Variants in CELSR1 observed in about 807,000 individuals in gnomAD.
CELSR1 encodes the protein adhesion G protein-coupled receptor C1.
In CELSR1, 110 loss-of-function variants were observed where a neutral mutation model predicts 249.1. The ratio of observed to expected loss-of-function variants is 0.44; its 90% CI spans 0.38 to 0.52. CELSR1 has a LOEUF of 0.52. CELSR1 is among the 20% of genes least tolerant of loss of function. The pLI is 0.00. For synonymous variants in CELSR1, 2,113 were observed against 1,900.0 expected (o/e 1.11, Z -2.92); for missense variants, 4,109 against 4,296.4 (o/e 0.96, Z 1.22).
In CELSR1 at chr22:46,374,119, G is replaced by A. The variant is rs966969956; in HGVS notation, c.7585-1062C>T. ...GCAGGCTCAAGTTATGCCAGAGACA[G>A]GCCCTTTGCCTCAGACTGTGGCCTC... is the stretch of plus-strand genomic sequence containing the variant. On this transcript the variant is annotated intron_variant, in intron 24 of 34. Transcript: ENST00000674500. The surrounding 1 kb of genome is among the most constrained non-coding windows in gnomAD (Gnocchi z 4.3). Among the ~76,000 whole-genome samples the A allele has an allele frequency of 2.3e-4, 35 of 152,130 alleles. No homozygotes were observed. The highest frequency in any genetic ancestry group is 8.5e-4 in the African/African-American group (35 of 41,364).
At position 46,533,680 on chromosome 22, in the gene CELSR1, C is replaced by A; in HGVS notation, c.3491G>T (p.Arg1164Leu). The A allele has an allele frequency of 1.9e-6, 3 of 1,608,190 alleles. No individual in the cohort carries two copies. The highest frequency in any genetic ancestry group is 2.5e-6 in the Non-Finnish European group (3 of 1,178,734). Residue 1164 changes from arginine to leucine, a missense_variant, in exon 1 of 35, where the codon CGC (arginine) becomes CTC (leucine). Around this residue, in one of 7 missense-constraint regions of CELSR1, gnomAD observed 886 missense variants for 896.5 expected, o/e 0.99. Transcript: ENST00000674500. Reference protein sequence around the residue: ...DPATGELQLSRDLDNNRPLEA... With the variant: ...DPATGELQLSLDLDNNRPLEA... ...CAGCGGCCGGTTGTTGTCCAGGTCG[C>A]GGCTGAGCTGCAGTTCGCCCGTGGC...
In CELSR1 at chr22:46,534,253, C is replaced by T. The variant is rs139147175; in HGVS notation, c.2918G>A (p.Arg973Gln). ...VYNLWALAVD[R>Q]GSPTPLSASV... is the part of the protein sequence containing the mutation. ...GGCGCTAAGGGGAGTGGGACTGCCC[C>T]GATCCACAGCCAGAGCCCAAAGGTT... is the stretch of plus-strand genomic sequence containing the variant. The change falls in exon 1 of 35, where the codon CGG becomes CAG. Residue 973 changes from arginine (R) to glutamine (Q), a missense_variant. By Grantham distance (43) the Arg-to-Gln change is conservative (BLOSUM62 1). This residue lies in a region of CELSR1 where 886 missense variants were observed against 896.5 expected (regional missense o/e 0.99). Coordinates refer to ENST00000674500, the MANE Select transcript of CELSR1 (RefSeq NM_001378328.1). The surrounding 1 kb of genome is among the most constrained non-coding windows in gnomAD (Gnocchi z 9.7). 8.1e-6 allele frequency: 13 copies of T among 1,613,444 alleles called. No individual in the cohort carries two copies. The highest frequency in any genetic ancestry group is 2.2e-5 in the South Asian group (2 of 91,088).
intron 1 of CELSR1, among the ~76,000 whole-genome samples, chr22:46,524,541 C>CGCGCGTGT (rs1194384146): frequency 2.6e-5 from 2 of 77,878 alleles, no homozygotes; most frequent in South Asian, 7.4e-4. Context: ...CCGTTGTGTG[C>CGCGCGTGT]GTGTGTGTGT....
rs1404772976 is a variant in CELSR1, at chr22:46,361,835, A to C, written c.*1388T>G. On this transcript the variant is annotated 3_prime_UTR_variant, in exon 35 of 35. Coordinates refer to ENST00000674500, the MANE Select transcript of CELSR1 (RefSeq NM_001378328.1). ...GGCACCTGATTTGAAGAACAAAGGA[A>C]ACGCTAAAATCAAACATGTCTGACA... The C allele has an allele frequency of 2.0e-5, 3 of 152,258 alleles. No individual in the cohort carries two copies. Among genetic ancestry groups the C allele is most frequent in the African/African-American group, 7.2e-5 (3 of 41,460 alleles). The allele number at this position is 152,258 out of a possible 1,614,324, so 9.4% of individuals were successfully genotyped here. A position where few individuals can be genotyped will look rare whatever the true frequency, so the allele number is the denominator to read the frequency against.
intron 14 of CELSR1, among the ~76,000 whole-genome samples, chr22:46,392,353 A>G (rs186174768): frequency 6.6e-6 from 1 of 152,210 alleles, no homozygotes; most frequent in Admixed American, 6.5e-5. Context: ...CGCCCCGGAA[A>G]ACGGGGCAGG....
chr22:46,374,694 C>A lies in CELSR1; in HGVS notation c.7585-1637G>T, dbSNP rs928191396. Among the ~76,000 whole-genome samples, 9 of 152,224 alleles carry A rather than the reference C, an allele frequency of 5.9e-5. No individual in the cohort carries two copies. Among genetic ancestry groups the A allele is most frequent in the Non-Finnish European group, 1.3e-4 (9 of 68,038 alleles). On this transcript the variant is annotated intron_variant, in intron 24 of 34. Coordinates refer to ENST00000674500, the MANE Select transcript of CELSR1 (RefSeq NM_001378328.1). The surrounding 1 kb of genome is among the most constrained non-coding windows in gnomAD (Gnocchi z 4.3). ...GGGAGTGGCCTGCACCGACTCCCCT[C>A]TCCCCCATTCACGCCACTCAAAAGC... is the stretch of plus-strand genomic sequence containing the variant.
Position 46,464,122 on chromosome 22 carries a change from G to C in CELSR1, c.3768C>G (p.Asn1256Lys), listed in dbSNP as rs1273626919. Residue 1256 changes from asparagine to lysine, a missense_variant, in exon 2 of 35, where the codon AAC becomes AAG. Physicochemically the swap from Asn to Lys is moderately conservative, Grantham distance 94. Transcript: ENST00000674500. This position sits in a 1 kb window ranked among gnomAD's most constrained non-coding sequence, Gnocchi z 8.5. ...GCGCCGAGAAGGTCACGTTCAGGAT[G>C]TTGGAGCTGACGTCGGTGTCGTTCT... ...NVQNDTDVSS[N>K]ILNVTFSALL... 4 of 1,613,760 alleles carry C rather than the reference G, an allele frequency of 2.5e-6. No individual in the cohort carries two copies. In the African/African-American group the frequency reaches 4.0e-5, roughly 16 times the overall value.
Position 46,399,183 on chromosome 22 carries a change from T to C in CELSR1, c.5412+534A>G, listed in dbSNP as rs1399374546. 6.6e-6 allele frequency among the ~76,000 whole-genome samples: 1 copy of C among 152,184 alleles called. No homozygotes were observed. The highest frequency in any genetic ancestry group is 1.5e-5 in the Non-Finnish European group (1 of 68,026). On this transcript the variant is annotated intron_variant, in intron 10 of 34. Coordinates refer to ENST00000674500, the MANE Select transcript of CELSR1 (RefSeq NM_001378328.1). The surrounding 1 kb of genome is among the most constrained non-coding windows in gnomAD (Gnocchi z 5.0). ...GCATTTCACAGACAACATCTTGGGT[T>C]ACCTGCCTGCAAACTGTGGAAACCT... is the stretch of plus-strand genomic sequence containing the variant.
chr22:46,376,041 C>G (rs1045826287), intron 24 of CELSR1, among the ~76,000 whole-genome samples: 1 of 152,204 alleles, frequency 6.6e-6, no homozygotes, highest in African/African-American at 2.4e-5. Context: ...GGGGATGCCT[C>G]CAGTATCTTC....
At chr22:46,414,232 C>T (rs6008807) in intron 5 of CELSR1, among the ~76,000 whole-genome samples, 3,998 of 152,288 alleles carry the variant, frequency 0.026, 167 homozygotes, top group African/African-American at 0.09. Context: ...TGATAGACAG[C>T]GCCCAGGATG....
chr22:46,412,365 C>T lies in CELSR1; in HGVS notation c.4612-606G>A, dbSNP rs550127332. Among the ~76,000 whole-genome samples the T allele has an allele frequency of 1.3e-5, 2 of 152,284 alleles. No individual in the cohort carries two copies. Among genetic ancestry groups the T allele is most frequent in the African/African-American group, 4.8e-5 (2 of 41,550 alleles). ...GCAGCCAACACCCAAGTCCTGGGGCCCCTCCTGTGAACACCCGCTTCTGCT... is the reference window on the plus strand; with the variant it reads ...GCAGCCAACACCCAAGTCCTGGGGCTCCTCCTGTGAACACCCGCTTCTGCT... On this transcript the variant is annotated intron_variant, in intron 5 of 34. Transcript: ENST00000674500. The surrounding 1 kb of genome is among the most constrained non-coding windows in gnomAD (Gnocchi z 4.5).
chr22:46,503,860 T>C (rs539576297), intron 1 of CELSR1, among the ~76,000 whole-genome samples: 1 of 134,066 alleles, frequency 7.5e-6, no homozygotes, highest in African/African-American at 2.6e-5. Flanking sequence ...GCAAGACCTC[T>C]GATAAAAACT....
chr22:46,514,853 G>A (rs1390617407), intron 1 of CELSR1, among the ~76,000 whole-genome samples: 2 of 152,148 alleles, frequency 1.3e-5, no homozygotes, highest in African/African-American at 4.8e-5. Flanking sequence ...TCCCACCCCA[G>A]GGATGCCTGT....
At position 46,430,310 on chromosome 22, in the gene CELSR1, T is replaced by C. The variant is rs954359235; in HGVS notation, c.4611+3083A>G. 6.6e-6 allele frequency among the ~76,000 whole-genome samples: 1 copy of C among 152,052 alleles called. No homozygotes were observed. The highest frequency in any genetic ancestry group is 1.5e-5 in the Non-Finnish European group (1 of 68,008). ...ATGTTTTCTTCATCATCCCCAAAAA[T>C]GCAAAAACCAAAACCAGCGAGGTGG... On this transcript the variant is annotated intron_variant, in intron 5 of 34. Coordinates refer to ENST00000674500, the MANE Select transcript of CELSR1 (RefSeq NM_001378328.1). The surrounding 1 kb of genome is among the most constrained non-coding windows in gnomAD (Gnocchi z 4.6).
At chr22:46,491,033 C>T (rs2080362284) in intron 1 of CELSR1, among the ~76,000 whole-genome samples, 1 of 151,986 alleles carries the variant, frequency 6.6e-6, no homozygotes, top group South Asian at 2.1e-4. Context: ...AATGGAGGGC[C>T]CCCCAACATC....
rs1211590066 is a variant in CELSR1, at chr22:46,408,916, GCAC to G, written c.5226+77_5226+79del. The G allele has an allele frequency of 4.9e-6, 6 of 1,218,500 alleles. No individual in the cohort carries two copies. The highest frequency in any genetic ancestry group is 1.6e-5 in the African/African-American group (1 of 64,356). 75.5% of individuals were successfully genotyped at this position (1,218,500 alleles called of 1,614,324 possible). A position where few individuals can be genotyped will look rare whatever the true frequency, so the allele number is the denominator to read the frequency against. ...GGGCGAGTAGCAGGTGCCCGAGTGT[GCAC>G]CAGGAAGCCCAGCGCCTGGGTCCCT... On this transcript the variant is annotated intron_variant, in intron 9 of 34. Transcript: ENST00000674500. This position sits in a 1 kb window ranked among gnomAD's most constrained non-coding sequence, Gnocchi z 4.6.
In CELSR1 at chr22:46,365,695, G is replaced by A. The variant is rs1360653612; in HGVS notation, c.8301-6C>T. 1.3e-6 allele frequency: 2 copies of A among 1,562,232 alleles called. No homozygotes were observed. The highest frequency in any genetic ancestry group is 4.7e-5 in the East Asian group (2 of 42,612). ...GCTTCTGGATCCCTTCATCCCTAGAGAGGCCAGGGAGGGTGGGCTCAGTAT... is the reference window on the plus strand; with the variant it reads ...GCTTCTGGATCCCTTCATCCCTAGAAAGGCCAGGGAGGGTGGGCTCAGTAT... On this transcript the variant is annotated splice_polypyrimidine_tract_variant and splice_region_variant and intron_variant, in intron 30 of 34. Coordinates refer to ENST00000674500, the MANE Select transcript of CELSR1 (RefSeq NM_001378328.1).
chr22:46,449,388 C>G (rs2079856967), intron 2 of CELSR1, among the ~76,000 whole-genome samples: 1 of 151,674 alleles, frequency 6.6e-6, no homozygotes, highest in East Asian at 2.0e-4. Context: ...CATCCAACCA[C>G]CCATCACACA....
In CELSR1 at chr22:46,448,711, C is replaced by T. The variant is rs1307375280; in HGVS notation, c.4184-9300G>A. 1 of 305,972 alleles carries T rather than the reference C, an allele frequency of 3.3e-6. No homozygotes were observed. Among genetic ancestry groups the T allele is most frequent in the East Asian group, 9.7e-5 (1 of 10,258 alleles). 19.0% of individuals were successfully genotyped at this position (305,972 alleles called of 1,614,324 possible). A position where few individuals can be genotyped will look rare whatever the true frequency, so the allele number is the denominator to read the frequency against. The stretch of plus-strand genomic sequence containing the variant: ...AGAACAAGGAGTGAGTGGAAGGGCC[C>T]GGGAACAGGAACACAGGGCAATTTC... On this transcript the variant is annotated intron_variant, in intron 2 of 34. Transcript: ENST00000674500. The surrounding 1 kb of genome is among the most constrained non-coding windows in gnomAD (Gnocchi z 5.7).
Sources: allele counts gnomAD v4.1 joint callset (sites outside exome capture counted in the v4.1 genomes callset), GRCh38; gene constraint gnomAD v4.1.1; regional missense constraint gnomAD v4.1.1; non-coding constraint Gnocchi (gnomAD v3.1); transcripts MANE v1.5; gene names NCBI Gene and HGNC (gene_info 2026-07-23, HGNC 2026-07-21).